The following GRM8 variants were observed in gnomAD, a reference collection of about 807,000 sequenced individuals.
GRM8 encodes metabotropic glutamate receptor 8.
Under a neutral mutation model 87.2 loss-of-function variants are expected in GRM8, and 47 were observed. That is an observed-to-expected ratio of 0.54 (90% confidence interval 0.43 to 0.69). GRM8 has a LOEUF of 0.69. Ranked by LOEUF, GRM8 falls within the 30% of genes least tolerant of loss-of-function variation. The probability of loss-of-function intolerance (pLI) is 0.00; values close to 1 mark genes in which losing one functional copy is unlikely to be tolerated. For synonymous variants in GRM8, 396 were observed against 404.5 expected (o/e 0.98, Z 0.25); for missense variants, 1,019 against 1,139.2 (o/e 0.89, Z 1.52).
chr7:126,610,522 T>G (rs906015061), intron 7 of GRM8, among the ~76,000 whole-genome samples: 1 of 152,190 alleles, frequency 6.6e-6, no homozygotes, highest in Non-Finnish European at 1.5e-5. Flanking sequence ...TCTTGTTATC[T>G]CTGTCTCATA....
At chr7:126,915,575 A>C (rs1334115945) in intron 3 of GRM8, among the ~76,000 whole-genome samples, 1 of 152,208 alleles carries the variant, frequency 6.6e-6, no homozygotes, top group African/African-American at 2.4e-5. Context: ...CCACAATAGA[A>C]ATGAATGTCT....
At chr7:126,940,595 A>G (rs1218081028) in intron 3 of GRM8, among the ~76,000 whole-genome samples, 1 of 152,238 alleles carries the variant, frequency 6.6e-6, no homozygotes, top group African/African-American at 2.4e-5. Flanking sequence ...GTCACCATGT[A>G]GACAAGAGCC....
intron 2 of GRM8, among the ~76,000 whole-genome samples, chr7:127,214,206 C>T (rs1796383477): frequency 6.6e-6 from 1 of 152,002 alleles, no homozygotes; most frequent in South Asian, 2.1e-4. Flanking sequence ...TACTGGTTGA[C>T]CTTGGAGTAA....
intron 6 of GRM8, among the ~76,000 whole-genome samples, chr7:126,873,431 A>G (rs1799275181): frequency 6.6e-6 from 1 of 152,038 alleles, no homozygotes; most frequent in Non-Finnish European, 1.5e-5. Context: ...TTCCATATCT[A>G]TATTATCTAA....
chr7:127,153,802 C>A (rs1352954681), intron 2 of GRM8, among the ~76,000 whole-genome samples: 1 of 152,088 alleles, frequency 6.6e-6, no homozygotes, highest in Non-Finnish European at 1.5e-5. Flanking sequence ...ATTGTCTGAA[C>A]ACAAACAGTA....
rs150543535 is a variant in GRM8, at chr7:127,242,085, C to T, written c.510+610G>A. ...TCCTGCTAAATTTGAACTTTTAATG[C>T]AATAAGAATTATATATAATTATTCC... is the stretch of plus-strand genomic sequence containing the variant. On this transcript the variant is annotated intron_variant, in intron 2 of 10. Transcript: ENST00000339582. Among the ~76,000 whole-genome samples the T allele has an allele frequency of 7.0e-3, 1,070 of 152,144 alleles. 10 individuals are homozygous for T. The highest frequency in any genetic ancestry group is 0.022 in the African/African-American group (917 of 41,520).
At chr7:126,640,546 T>C (rs3824015) in intron 7 of GRM8, among the ~76,000 whole-genome samples, 46,828 of 152,106 alleles carry the variant, frequency 0.31, 8,080 homozygotes, top group East Asian at 0.43. Flanking sequence ...ATTTATATTA[T>C]CAATCTCTCT....
chr7:127,237,106 G>A (rs1249968618), intron 2 of GRM8, among the ~76,000 whole-genome samples: 1 of 152,192 alleles, frequency 6.6e-6, no homozygotes, highest in Non-Finnish European at 1.5e-5. Flanking sequence ...TTTAAGAAGG[G>A]GAAAGAGATT....
At chr7:127,140,523 G>C (rs17867020) in intron 2 of GRM8, among the ~76,000 whole-genome samples, 1,987 of 152,206 alleles carry the variant, frequency 0.013, 58 homozygotes, top group African/African-American at 0.045. Flanking sequence ...GACTTATTCT[G>C]TCTAACTTCA....
intron 3 of GRM8, among the ~76,000 whole-genome samples, chr7:126,937,327 C>T (rs1163298962): frequency 6.6e-6 from 1 of 152,218 alleles, no homozygotes; most frequent in Non-Finnish European, 1.5e-5. Flanking sequence ...TTAAAAACTA[C>T]AGCCAAAGGC....
chr7:126,787,466 T>C (rs1820738793), intron 6 of GRM8, among the ~76,000 whole-genome samples: 1 of 152,194 alleles, frequency 6.6e-6, no homozygotes, highest in African/African-American at 2.4e-5. Context: ...CATTTACCCT[T>C]AAAACAACTT....
At chr7:126,650,154 C>A (rs530233150) in intron 7 of GRM8, among the ~76,000 whole-genome samples, 46 of 152,208 alleles carry the variant, frequency 3.0e-4, no homozygotes, top group African/African-American at 1.1e-3. Context: ...CACCTACTCA[C>A]AAAGTGGGTC....
At position 126,439,103 on chromosome 7, in the gene GRM8, G is replaced by A. The variant is rs1801154599; in HGVS notation, c.*16C>T. The A allele has an allele frequency of 6.7e-7, 1 of 1,497,340 alleles. No individual in the cohort carries two copies. Among genetic ancestry groups the A allele is most frequent in the African/African-American group, 1.4e-5 (1 of 72,726 alleles). The allele number at this position is 1,497,340 out of a possible 1,614,324, so 92.8% of individuals were successfully genotyped here. A position where few individuals can be genotyped will look rare whatever the true frequency, so the allele number is the denominator to read the frequency against. On this transcript the variant is annotated 3_prime_UTR_variant, in exon 11 of 11. Coordinates refer to ENST00000339582, the MANE Select transcript of GRM8 (RefSeq NM_000845.3). ...ATCATATACCACATCTCTTCAGATT[G>A]TGCCATTTCCCTGTTTCAGATTGAA...
chr7:126,639,106 T>G (rs1585320662), intron 7 of GRM8, among the ~76,000 whole-genome samples: 1 of 152,242 alleles, frequency 6.6e-6, no homozygotes, highest in African/African-American at 2.4e-5. Context: ...TCTTTTCTTC[T>G]GCTATGAAAC....
At chr7:127,206,187 G>A (rs754852130) in intron 2 of GRM8, among the ~76,000 whole-genome samples, 5 of 152,214 alleles carry the variant, frequency 3.3e-5, no homozygotes, top group Admixed American at 1.3e-4. Flanking sequence ...ATCAGCTCTT[G>A]TGGGTGAGGT....
chr7:126,927,446 T>G (rs1414623113), intron 3 of GRM8, among the ~76,000 whole-genome samples: 3 of 152,296 alleles, frequency 2.0e-5, no homozygotes, highest in Middle Eastern at 3.4e-3. Context: ...CTGTTTATTG[T>G]GACTTTAAAA....
chr7:126,759,470 A>C (rs1243353478), intron 7 of GRM8, among the ~76,000 whole-genome samples: 1 of 152,166 alleles, frequency 6.6e-6, no homozygotes, highest in Non-Finnish European at 1.5e-5. Flanking sequence ...TCCATTCTAG[A>C]TTCATTAGAT....
intron 9 of GRM8, among the ~76,000 whole-genome samples, chr7:126,505,975 T>A (rs1452079458): frequency 2.6e-5 from 4 of 152,028 alleles, no homozygotes; most frequent in Non-Finnish European, 5.9e-5. Flanking sequence ...TTCGCATCTT[T>A]TGCCCTGTCT....
At chr7:127,023,067 C>T (rs555182051) in intron 3 of GRM8, among the ~76,000 whole-genome samples, 11 of 152,210 alleles carry the variant, frequency 7.2e-5, no homozygotes, top group Admixed American at 6.5e-4. Context: ...CACACTTCCA[C>T]TTACAGGGTG....
Sources: gnomAD v4.1 joint callset for allele counts (sites outside exome capture counted in the v4.1 genomes callset) on GRCh38, gnomAD v4.1.1 for gene constraint, MANE v1.5 for transcripts, NCBI Gene and HGNC (gene_info 2026-07-23, HGNC 2026-07-21) for gene names.